Variants in ROR1 observed in about 807,000 individuals in gnomAD.
ROR1 encodes the protein ROR family WNT receptor 1.
Under a neutral mutation model 78.8 loss-of-function variants are expected in ROR1, and 19 were observed. That is an observed-to-expected ratio of 0.24 (90% CI 0.17 to 0.35). The LOEUF (loss-of-function observed/expected upper bound fraction) is 0.35. Among genes scored for constraint, ROR1 ranks in the 10% least tolerant of loss-of-function variants. The pLI, the probability that ROR1 is intolerant of heterozygous loss-of-function variation, is 1.00. For missense variants in ROR1, 917 were observed against 1,177.8 expected (o/e 0.78, Z 3.24); for synonymous variants, 386 against 433.6 (o/e 0.89, Z 1.36).
chr1:64,143,021 A>C (rs760313461), intron 7 of ROR1: 265 of 1,097,340 alleles, frequency 2.4e-4, no homozygotes, highest in Non-Finnish European at 2.9e-4. Context: ...GGAAGCAGGA[A>C]GAAATTGTTT....
chr1:64,125,697 G>A (rs574888847), intron 4 of ROR1, among the ~76,000 whole-genome samples: 5 of 152,200 alleles, frequency 3.3e-5, no homozygotes, highest in East Asian at 1.9e-4. Flanking sequence ...TGGGGAGTTC[G>A]CCTAGTGCAC....
At chr1:63,844,243 T>C (rs144771776) in intron 1 of ROR1, among the ~76,000 whole-genome samples, 65 of 152,344 alleles carry the variant, frequency 4.3e-4, no homozygotes, top group African/African-American at 1.3e-3. Context: ...CTTTAAGATC[T>C]GGCTACATGG....
intron 4 of ROR1, among the ~76,000 whole-genome samples, chr1:64,063,573 T>A (rs1444122936): frequency 2.6e-5 from 4 of 152,134 alleles, no homozygotes; most frequent in Admixed American, 2.0e-4. Context: ...TTTTAAAAAA[T>A]TATTTTTAAA....
chr1:63,960,157 T>C (rs553060290), intron 1 of ROR1, among the ~76,000 whole-genome samples: 1 of 152,228 alleles, frequency 6.6e-6, no homozygotes, highest in Admixed American at 6.5e-5. Context: ...ACCTCTTACA[T>C]CTAAAAGAAA....
At chr1:64,082,464 G>A (rs1194512402) in intron 4 of ROR1, among the ~76,000 whole-genome samples, 1 of 152,192 alleles carries the variant, frequency 6.6e-6, no homozygotes, top group African/African-American at 2.4e-5. Context: ...TGCATATATG[G>A]TAGGAGTGGG....
At chr1:64,008,157 T>C (rs1366225042) in intron 1 of ROR1, among the ~76,000 whole-genome samples, 5 of 152,146 alleles carry the variant, frequency 3.3e-5, no homozygotes, top group Non-Finnish European at 7.3e-5. Flanking sequence ...CCAGTGTCTA[T>C]TGCTCCTATC....
intron 6 of ROR1, 76 bp downstream of exon 6, chr1:64,140,502 A>T: frequency 7.4e-7 from 1 of 1,358,332 alleles, no homozygotes; most frequent in Non-Finnish European, 1.0e-6. Flanking sequence ...CTGGACCTTG[A>T]CCCATAGTGA....
At chr1:63,950,965 A>G (rs1645930425) in intron 1 of ROR1, among the ~76,000 whole-genome samples, 1 of 152,260 alleles carries the variant, frequency 6.6e-6, no homozygotes, top group Admixed American at 6.5e-5. Flanking sequence ...ACCTTCATCG[A>G]ACAATACTCT....
At chr1:64,143,443 A>G (rs1649387683) in intron 7 of ROR1, 2 of 974,820 alleles carry the variant, frequency 2.1e-6, no homozygotes, top group South Asian at 9.5e-5. Context: ...TCCTGATCCT[A>G]GTTCTCATAG....
At chr1:63,841,114 T>C (rs1400196529) in intron 1 of ROR1, among the ~76,000 whole-genome samples, 1 of 152,234 alleles carries the variant, frequency 6.6e-6, no homozygotes, top group Non-Finnish European at 1.5e-5. Flanking sequence ...TTATAATACA[T>C]ACTCTACATG....
intron 4 of ROR1, chr1:64,106,245 A>G (rs1647804580): frequency 6.6e-6 from 1 of 152,080 alleles, no homozygotes; most frequent in South Asian, 2.1e-4. Context: ...TTCATTCATG[A>G]TTTGGCTCCC....
intron 1 of ROR1, among the ~76,000 whole-genome samples, chr1:64,008,211 T>A (rs536978158): frequency 3.3e-5 from 5 of 152,264 alleles, no homozygotes; most frequent in Admixed American, 3.3e-4. Flanking sequence ...TGAGAACACA[T>A]GATATTTGGT....
At chr1:64,156,692 C>T (rs1251005684) in intron 7 of ROR1, among the ~76,000 whole-genome samples, 7 of 112,698 alleles carry the variant, frequency 6.2e-5, no homozygotes, top group East Asian at 2.5e-4. Flanking sequence ...GGTGACAGAG[C>T]GAGACTCCGT....
intron 7 of ROR1, among the ~76,000 whole-genome samples, chr1:64,144,038 A>G (rs1224541653): frequency 6.6e-6 from 1 of 152,056 alleles, no homozygotes; most frequent in East Asian, 2.0e-4. Context: ...TGGCCTTGAC[A>G]GGAGGAGGAG....
At chr1:64,087,982 C>G (rs114602512) in intron 4 of ROR1, among the ~76,000 whole-genome samples, 1 of 152,138 alleles carries the variant, frequency 6.6e-6, no homozygotes, top group Non-Finnish European at 1.5e-5. Flanking sequence ...TTATTTGATG[C>G]AAGGCTCCTG....
intron 2 of ROR1, among the ~76,000 whole-genome samples, chr1:64,012,640 G>C (rs1370844791): frequency 6.6e-6 from 1 of 152,266 alleles, no homozygotes; most frequent in South Asian, 2.1e-4. Context: ...GCATACAAGG[G>C]AGGGGAAGAA....
intron 1 of ROR1, among the ~76,000 whole-genome samples, chr1:64,006,711 C>T (rs1475748339): frequency 6.6e-6 from 1 of 152,098 alleles, no homozygotes; most frequent in Non-Finnish European, 1.5e-5. Context: ...TGGCTCAGGA[C>T]GTTGGAGGAA....
chr1:64,130,021 G>T (rs1351026719), intron 4 of ROR1, among the ~76,000 whole-genome samples: 3 of 152,084 alleles, frequency 2.0e-5, no homozygotes, highest in East Asian at 1.9e-4. Flanking sequence ...TCAAAATTTT[G>T]ATTTAATTTT....
intron 1 of ROR1, among the ~76,000 whole-genome samples, chr1:63,782,465 C>T (rs1361070307): frequency 2.6e-5 from 4 of 151,614 alleles, no homozygotes; most frequent in Non-Finnish European, 5.9e-5. Context: ...CCCTTAATCA[C>T]TGTGTGGTGG....
Sources: gnomAD v4.1 joint callset for allele counts (sites outside exome capture counted in the v4.1 genomes callset) on GRCh38, gnomAD v4.1.1 for gene constraint, MANE v1.5 for transcripts, NCBI Gene and HGNC (gene_info 2026-07-23, HGNC 2026-07-21) for gene names.